Variants in TNMD observed in about 807,000 individuals in gnomAD.
TNMD encodes BRICHOS domain containing 4.
Under a neutral mutation model 26.9 loss-of-function variants are expected in TNMD, and 15 were observed. The observed-to-expected ratio is 0.56, with a 90% CI of 0.37 to 0.86. The LOEUF is 0.86. TNMD is among the 40% of genes least tolerant of loss of function. The probability of loss-of-function intolerance (pLI) is 0.00; values close to 1 mark genes in which losing one functional copy is unlikely to be tolerated. For missense variants in TNMD, 222 were observed against 242.6 expected (o/e 0.92, Z 0.56); for synonymous variants, 73 against 77.0 (o/e 0.95, Z 0.27).
intron 2 of TNMD, among the ~76,000 whole-genome samples, chrX:100,591,686 C>T (rs1434420983): frequency 1.8e-5 from 2 of 111,678 alleles, no homozygotes; most frequent in Non-Finnish European, 3.8e-5. Flanking sequence ...CAAGGATTCA[C>T]ACATAAACGA....
At position 100,599,498 on chromosome X, in the gene TNMD, C is replaced by G. The variant is rs1020950891; in HGVS notation, c.745-10C>G. On this transcript the variant is annotated splice_polypyrimidine_tract_variant and intron_variant, in intron 6 of 6. Coordinates refer to ENST00000373031, the MANE Select transcript of TNMD (RefSeq NM_022144.3). ...CTCCCACCCCCAACACTGGCTTCTTCTTCTTTCAGACTGAAAATGGAATAG... is the reference window on the plus strand; with the variant it reads ...CTCCCACCCCCAACACTGGCTTCTTGTTCTTTCAGACTGAAAATGGAATAG... 1 of 1,199,267 alleles carries G rather than the reference C, an allele frequency of 8.3e-7. No homozygotes were observed. The highest frequency in any genetic ancestry group is 1.1e-6 in the Non-Finnish European group (1 of 887,581).
chrX:100,596,637 C>A (rs1451634904), intron 4 of TNMD, among the ~76,000 whole-genome samples: 1 of 111,434 alleles, frequency 9.0e-6, no homozygotes, highest in Non-Finnish European at 1.9e-5. Context: ...CCTGATTTTG[C>A]TAACAAAGCT....
intron 2 of TNMD, among the ~76,000 whole-genome samples, chrX:100,588,167 C>T (rs2082927160): frequency 9.0e-6 from 1 of 111,626 alleles, no homozygotes; most frequent in Non-Finnish European, 1.9e-5. Context: ...TCCTTCTCCT[C>T]ACTCCCGCTT....
rs1406184775 is a variant in TNMD at position 100,585,369 on chromosome X, A to G, written c.180+7A>G. ...GCCGGAGGTACCCAAAAAAGTAAGT[A>G]AATACACATCATAATCTGATGCTTC... On this transcript the variant is annotated splice_region_variant and intron_variant, in intron 2 of 6. Coordinates refer to ENST00000373031, the MANE Select transcript of TNMD (RefSeq NM_022144.3). 2 of 1,205,059 alleles carry G rather than the reference A, an allele frequency of 1.7e-6. No homozygotes were observed. Among genetic ancestry groups the G allele is most frequent in the Non-Finnish European group, 2.2e-6 (2 of 892,906 alleles).
Position 100,587,674 on chromosome X carries a change from C to A in TNMD, c.180+2312C>A, listed in dbSNP as rs1229847420. The stretch of plus-strand genomic sequence containing the variant: ...GGATGCTTTACTTAGTCCACTACTA[C>A]CTTCAGGTCCCAGACAAAGATCTCA... On this transcript the variant is annotated intron_variant, in intron 2 of 6. Transcript: ENST00000373031. Among the ~76,000 whole-genome samples the A allele has an allele frequency of 1.8e-5, 2 of 111,808 alleles. 1 individual carries two copies. The highest frequency in any genetic ancestry group is 3.8e-5 in the Non-Finnish European group (2 of 53,169).
chrX:100,594,201 T>C, intron 3 of TNMD, 60 bp from the exon 4 acceptor site: 1 of 1,010,832 alleles, frequency 9.9e-7, no homozygotes, highest in Non-Finnish European at 1.3e-6. Context: ...CAACAGATCA[T>C]GGAACTTACT....
At position 100,587,076 on chromosome X, in the gene TNMD, T is replaced by C. The variant is rs893535096; in HGVS notation, c.180+1714T>C. On this transcript the variant is annotated intron_variant, in intron 2 of 6. Transcript: ENST00000373031. ...AAATAAGGGGCCAAATGGCCTTTCT[T>C]GTTTTATTGTTGTCATTGGTACTGC... 3.6e-5 allele frequency among the ~76,000 whole-genome samples: 4 copies of C among 112,477 alleles called. No individual in the cohort carries two copies. In the Admixed American group the frequency reaches 3.8e-4, roughly 11 times the overall value.
At chrX:100,586,702 C>T (rs1488490024) in intron 2 of TNMD, among the ~76,000 whole-genome samples, 5 of 111,367 alleles carry the variant, frequency 4.5e-5, no homozygotes. Context: ...ATAGTTAGCC[C>T]TATCCCCTAC....
intron 2 of TNMD, among the ~76,000 whole-genome samples, chrX:100,587,187 C>A (rs191477989): frequency 8.9e-6 from 1 of 112,489 alleles, no homozygotes; most frequent in Admixed American, 9.4e-5. Context: ...TAGGTGGAGA[C>A]CTTGCCTTTT....
At chrX:100,594,062 C>A in intron 3 of TNMD, 27 bp downstream of exon 3, 1 of 1,187,415 alleles carries the variant, frequency 8.4e-7, no homozygotes, top group Non-Finnish European at 1.1e-6. Context: ...CCTCCTAAGG[C>A]TTTCCACTTA....
At chrX:100,593,560 T>C in intron 2 of TNMD, 1 of 163,211 alleles carries the variant, frequency 6.1e-6, no homozygotes, top group Non-Finnish European at 1.0e-5. Flanking sequence ...CTAATGAATT[T>C]CACGGGTGAG....
chrX:100,590,704 T>C (rs774390881), intron 2 of TNMD, among the ~76,000 whole-genome samples: 1 of 111,795 alleles, frequency 8.9e-6, no homozygotes, highest in Non-Finnish European at 1.9e-5. Context: ...CCTTGTTCCA[T>C]TCCAGTGTTC....
rs1280069588 is a variant in TNMD, at chrX:100,594,813, C to T, written c.423+451C>T. ...CACTTTTGTCACACTTCAGTATTCA[C>T]CTATTTTAAAGATTGTGGTTCATTC... is the stretch of plus-strand genomic sequence containing the variant. On this transcript the variant is annotated intron_variant, in intron 4 of 6. Coordinates refer to ENST00000373031, the MANE Select transcript of TNMD (RefSeq NM_022144.3). 3.6e-5 allele frequency among the ~76,000 whole-genome samples: 4 copies of T among 112,049 alleles called. 1 individual carries two copies. Among genetic ancestry groups the T allele is most frequent in the African/African-American group, 9.7e-5 (3 of 30,810 alleles).
chrX:100,585,750 C>T (rs2082920464), intron 2 of TNMD, among the ~76,000 whole-genome samples: 1 of 112,269 alleles, frequency 8.9e-6, no homozygotes, highest in Admixed American at 9.5e-5. Flanking sequence ...GAGAAACCAC[C>T]CAAAGTGGCA....
chrX:100,593,754 C>G (rs1159404057), intron 2 of TNMD, 141 bp from the exon 3 acceptor site: 4 of 605,459 alleles, frequency 6.6e-6, no homozygotes, highest in Non-Finnish European at 9.8e-6. Context: ...TGTTGGAATT[C>G]TTAGTAATTA....
intron 6 of TNMD, 66 bp from the exon 7 acceptor site, chrX:100,599,442 T>C (rs1390077469): frequency 1.0e-6 from 1 of 981,169 alleles, no homozygotes; most frequent in East Asian, 3.3e-5. Context: ...TCTCCCCTGC[T>C]TGGTGAGAAC....
intron 2 of TNMD, among the ~76,000 whole-genome samples, chrX:100,586,720 C>G (rs1022315218): frequency 6.3e-5 from 7 of 111,558 alleles, no homozygotes; most frequent in Admixed American, 5.7e-4. Flanking sequence ...TACTCCTCCT[C>G]CCCTTACTGC....
At chrX:100,594,807 T>C (rs565445901) in intron 4 of TNMD, among the ~76,000 whole-genome samples, 2 of 112,278 alleles carry the variant, frequency 1.8e-5, no homozygotes, top group African/African-American at 6.5e-5. Flanking sequence ...CACACTTCAG[T>C]ATTCACCTAT....
At chrX:100,594,159 A>G in intron 3 of TNMD, 102 bp from the exon 4 acceptor site, 1 of 952,363 alleles carries the variant, frequency 1.1e-6, no homozygotes. Context: ...CTAGCTTTCC[A>G]TTTGAATTCA....
Sources: gnomAD v4.1 joint callset for allele counts (sites outside exome capture counted in the v4.1 genomes callset) on GRCh38, gnomAD v4.1.1 for gene constraint, MANE v1.5 for transcripts, NCBI Gene and HGNC (gene_info 2026-07-23, HGNC 2026-07-21) for gene names.